Variants in IL17RD observed in about 807,000 individuals in gnomAD.
IL17RD encodes the protein interleukin 17 receptor D.
IL17RD carries 52 observed loss-of-function variants against 80.5 expected under a neutral mutation model. The observed-to-expected ratio is 0.65, with a 90% CI of 0.52 to 0.81. IL17RD has a LOEUF of 0.81. Among genes scored for constraint, IL17RD ranks in the 40% least tolerant of loss-of-function variants. IL17RD has a pLI of 0.00. For missense variants in IL17RD, 1,024 were observed against 955.1 expected (o/e 1.07, Z -0.95); for synonymous variants, 416 against 391.8 (o/e 1.06, Z -0.73).
chr3:57,168,785 C>T (rs775481297), upstream of IL17RD, among the ~76,000 whole-genome samples: 2 of 152,102 alleles, frequency 1.3e-5, no homozygotes, highest in African/African-American at 2.4e-5. Context: ...GCCATGGTCT[C>T]GGCTAATTGC....
Position 57,090,350 on chromosome 3 carries a change from G to C in IL17RD, c.*6043C>G, listed in dbSNP as rs1017435629. ...ATGAACACAATTGGTTTTCACAAAA[G>C]CTTTTGCTGCTGTCTGGACTCACCA... On this transcript the variant is annotated 3_prime_UTR_variant, in exon 13 of 13. Coordinates refer to ENST00000296318, the MANE Select transcript of IL17RD (RefSeq NM_017563.5). 5.9e-5 allele frequency: 9 copies of C among 152,278 alleles called. No homozygotes were observed. Among genetic ancestry groups the C allele is most frequent in the African/African-American group, 2.2e-4 (9 of 41,448 alleles). The allele number at this position is 152,278 out of a possible 1,614,324, so 9.4% of individuals were successfully genotyped here. A position where few individuals can be genotyped will look rare whatever the true frequency, so the allele number is the denominator to read the frequency against.
Position 57,165,260 on chromosome 3 carries a change from G to A in IL17RD, c.27C>T (p.Ser9=), listed in dbSNP as rs1036492519. ...GGCAGGCGTTGACCGTAAAGAAGAC[G>A]GAGCAGAGCTGCAGCCACGGGGCCA... The part of the protein sequence containing the change: MAPWLQLC[S]VFFTVNACLN... The change falls in exon 1 of 13, where the codon TCC becomes TCT. Residue 9 remains serine, a synonymous_variant. Transcript: ENST00000296318. 2.0e-6 allele frequency: 3 copies of A among 1,518,404 alleles called. No individual in the cohort carries two copies. The highest frequency in any genetic ancestry group is 2.1e-5 in the Admixed American group (1 of 47,942). 94.1% of individuals were successfully genotyped at this position (1,518,404 alleles called of 1,614,324 possible).
chr3:57,139,053 T>G (rs2107524338), intron 1 of IL17RD, among the ~76,000 whole-genome samples: 1 of 150,608 alleles, frequency 6.6e-6, no homozygotes, highest in African/African-American at 2.4e-5. Flanking sequence ...TACAATATCA[T>G]ATATTTTGGG....
upstream of IL17RD, among the ~76,000 whole-genome samples, chr3:57,166,556 C>CA (rs57014795): frequency 0.016 from 2,462 of 149,466 alleles, 67 homozygotes; most frequent in African/African-American, 0.055. Context: ...CCACCACCAA[C>CA]AAAAAAAAAC....
intron 8 of IL17RD, 46 bp from the exon 9 acceptor site, chr3:57,103,191 T>C (rs376292122): frequency 1.2e-5 from 18 of 1,494,786 alleles, no homozygotes; most frequent in Non-Finnish European, 1.6e-5. Flanking sequence ...AAGTGATATA[T>C]ACCAGGTAAG....
intron 1 of IL17RD, among the ~76,000 whole-genome samples, chr3:57,125,718 G>A (rs1194882188): frequency 6.6e-6 from 1 of 152,164 alleles, no homozygotes; most frequent in African/African-American, 2.4e-5. Flanking sequence ...CAAGGTATTG[G>A]TAGGCACTGA....
chr3:57,122,866 T>C (rs892141779), intron 1 of IL17RD, among the ~76,000 whole-genome samples: 1 of 150,026 alleles, frequency 6.7e-6, no homozygotes, highest in Non-Finnish European at 1.5e-5. Context: ...CATCTAACAA[T>C]ATGCTCCCTA....
intron 1 of IL17RD, among the ~76,000 whole-genome samples, chr3:57,146,801 T>C (rs1217954416): frequency 1.4e-5 from 2 of 144,104 alleles, no homozygotes; most frequent in Non-Finnish European, 3.0e-5. Flanking sequence ...CAATATTTCG[T>C]GTGTGTGTGA....
rs201941339 is a variant in IL17RD, at chr3:57,106,067, G to T, written c.595+43C>A. 5.7e-4 allele frequency: 915 copies of T among 1,609,960 alleles called. 1 individual carries two copies. The highest frequency in any genetic ancestry group is 7.2e-4 in the Non-Finnish European group (846 of 1,176,272). The stretch of plus-strand genomic sequence containing the variant: ...GAGGCTACCCTAACACCATCATAGT[G>T]GCGATACTTTGAGACTTGATAGATA... On this transcript the variant is annotated intron_variant, in intron 6 of 12. Coordinates refer to ENST00000296318, the MANE Select transcript of IL17RD (RefSeq NM_017563.5).
chr3:57,096,827 T>C (rs1306158777), intron 12 of IL17RD, among the ~76,000 whole-genome samples: 1 of 152,052 alleles, frequency 6.6e-6, no homozygotes, highest in African/African-American at 2.4e-5. Flanking sequence ...CTGGCCAACA[T>C]GGTGAAACCC....
At chr3:57,114,092 G>A (rs541138159) in intron 3 of IL17RD, among the ~76,000 whole-genome samples, 2 of 151,890 alleles carry the variant, frequency 1.3e-5, no homozygotes, top group Non-Finnish European at 2.9e-5. Flanking sequence ...GCTGAGGCAG[G>A]AGAATCGCTT....
intron 1 of IL17RD, among the ~76,000 whole-genome samples, chr3:57,140,074 A>C (rs551002498): frequency 6.6e-6 from 1 of 152,212 alleles, no homozygotes; most frequent in African/African-American, 2.4e-5. Context: ...TTCTGCATAA[A>C]GATACCGAGC....
In IL17RD at chr3:57,098,059, G is replaced by A. The variant is rs1233014845; in HGVS notation, c.1644C>T (p.Asn548=). ...GCTCCTCGTCAATAAACTGGTGCATGTTGCAAATGGCGACGTATAGGGACC... is the reference window on the plus strand; with the variant it reads ...GCTCCTCGTCAATAAACTGGTGCATATTGCAAATGGCGACGTATAGGGACC... The part of the protein sequence containing the change: ...SGRSLYVAIC[N]MHQFIDEEPD... The change falls in exon 12 of 13, where the codon AAC becomes AAT. Residue 548 remains asparagine (N), a synonymous_variant. Transcript: ENST00000296318. 2 of 1,614,030 alleles carry A rather than the reference G, an allele frequency of 1.2e-6. No individual in the cohort carries two copies. The highest frequency in any genetic ancestry group is 1.3e-5 in the African/African-American group (1 of 75,050).
rs760970599 is a variant in IL17RD, at chr3:57,106,019, G to A, written c.596-11C>T. The A allele has an allele frequency of 4.3e-6, 7 of 1,613,744 alleles. No homozygotes were observed. In the Admixed American group the frequency reaches 1.2e-4, roughly 27 times the overall value. On this transcript the variant is annotated splice_polypyrimidine_tract_variant and intron_variant, in intron 6 of 12. Coordinates refer to ENST00000296318, the MANE Select transcript of IL17RD (RefSeq NM_017563.5). The stretch of plus-strand genomic sequence containing the variant: ...TCCGAGGCTTCCAGACTGGAAGAAG[G>A]TAGGACCCAGAGTGAGCAACCAGAG...
At chr3:57,147,792 CATAA>C (rs1398327705) in intron 1 of IL17RD, among the ~76,000 whole-genome samples, 1 of 152,036 alleles carries the variant, frequency 6.6e-6, no homozygotes, top group Non-Finnish European at 1.5e-5. Context: ...AAAAAATAAC[CATAA>C]ATAAATAAAA....
intron 3 of IL17RD, 87 bp from the exon 4 acceptor site, chr3:57,110,398 C>A (rs1467684643): frequency 5.0e-6 from 7 of 1,399,196 alleles, no homozygotes; most frequent in African/African-American, 1.4e-5. Context: ...ATCTTCTCTA[C>A]CTACACACCA....
chr3:57,122,466 G>T (rs987913871), intron 1 of IL17RD, among the ~76,000 whole-genome samples: 1 of 152,316 alleles, frequency 6.6e-6, no homozygotes, highest in Non-Finnish European at 1.5e-5. Flanking sequence ...ATTACCACCT[G>T]AGCTCCGACT....
At chr3:57,120,829 T>C (rs1707321297) in intron 1 of IL17RD, among the ~76,000 whole-genome samples, 1 of 152,200 alleles carries the variant, frequency 6.6e-6, no homozygotes, top group Non-Finnish European at 1.5e-5. Context: ...GAGAAAATTA[T>C]TCACTGCATC....
chr3:57,117,704 T>C (rs1707246634), intron 2 of IL17RD, among the ~76,000 whole-genome samples: 3 of 152,218 alleles, frequency 2.0e-5, no homozygotes, highest in Non-Finnish European at 4.4e-5. Flanking sequence ...TAACAGGAAC[T>C]TCCCTGTGGA....
Sources: allele counts gnomAD v4.1 joint callset (sites outside exome capture counted in the v4.1 genomes callset), GRCh38; gene constraint gnomAD v4.1.1; transcripts MANE v1.5; gene names NCBI Gene and HGNC (gene_info 2026-07-23, HGNC 2026-07-21).